Variants in DPYSL5 observed in about 807,000 individuals in gnomAD.
The protein encoded by DPYSL5 is dihydropyrimidinase like 5, also known as dihydropyrimidinase-related protein 5.
A neutral mutation model predicts 58.4 loss-of-function variants in DPYSL5; 9 were observed. The ratio of observed to expected loss-of-function variants is 0.15; its 90% confidence interval spans 0.09 to 0.27. The LOEUF (loss-of-function observed/expected upper bound fraction) is 0.27. Ranked by LOEUF, DPYSL5 falls within the 10% of genes least tolerant of loss-of-function variation. The pLI, the probability that DPYSL5 is intolerant of heterozygous loss-of-function variation, is 1.00. For synonymous variants in DPYSL5, 293 were observed against 301.9 expected (o/e 0.97, Z 0.31); for missense variants, 499 against 770.6 (o/e 0.65, Z 4.17).
chr2:26,864,980 C>T (rs1666105238), intron 1 of DPYSL5, among the ~76,000 whole-genome samples: 1 of 152,218 alleles, frequency 6.6e-6, no homozygotes, highest in South Asian at 2.1e-4. Context: ...CATCCGTTCA[C>T]AGACCCCCTC....
intron 2 of DPYSL5, among the ~76,000 whole-genome samples, chr2:26,914,574 A>T (rs908465718): frequency 6.6e-6 from 1 of 152,160 alleles, no homozygotes; most frequent in African/African-American, 2.4e-5. Context: ...CAGCTTACCA[A>T]TCAGGCCTGT....
intron 1 of DPYSL5, among the ~76,000 whole-genome samples, chr2:26,851,041 T>C (rs2148099923): frequency 6.6e-6 from 1 of 152,318 alleles, no homozygotes. Flanking sequence ...TATTTATGCA[T>C]ACACACAAAC....
Position 26,931,694 on chromosome 2 carries a change from C to T in DPYSL5, c.714+10C>T. On this transcript the variant is annotated intron_variant, in intron 6 of 12. Coordinates refer to ENST00000288699, the MANE Select transcript of DPYSL5 (RefSeq NM_020134.4). ...CACCATTGCAAACAGGGTAAGTCCC[C>T]CGATGTCCACTGTGGGATTAGAAAC... is the stretch of plus-strand genomic sequence containing the variant. The T allele has an allele frequency of 6.2e-7, 1 of 1,613,652 alleles. No homozygotes were observed. The highest frequency in any genetic ancestry group is 8.5e-7 in the Non-Finnish European group (1 of 1,179,830).
At chr2:26,896,889 C>G (rs1664036654) in intron 1 of DPYSL5, among the ~76,000 whole-genome samples, 2 of 152,186 alleles carry the variant, frequency 1.3e-5, no homozygotes, top group African/African-American at 2.4e-5. Flanking sequence ...TTGACGCAAT[C>G]CCATTTGTCT....
At position 26,927,163 on chromosome 2, in the gene DPYSL5, C is replaced by G. The variant is rs1664847810; in HGVS notation, c.421-90C>G. 1.5e-6 allele frequency: 2 copies of G among 1,378,798 alleles called. No individual in the cohort carries two copies. Among genetic ancestry groups the G allele is most frequent in the South Asian group, 2.8e-5 (2 of 71,188 alleles). 85.4% of individuals were successfully genotyped at this position (1,378,798 alleles called of 1,614,324 possible). A position where few individuals can be genotyped will look rare whatever the true frequency, so the allele number is the denominator to read the frequency against. On this transcript the variant is annotated intron_variant, in intron 3 of 12. Coordinates refer to ENST00000288699, the MANE Select transcript of DPYSL5 (RefSeq NM_020134.4). This position sits in a 1 kb window ranked among gnomAD's most constrained non-coding sequence, Gnocchi z 4.3. ...CCGACAGACTGAGCTGGGGCAGGCC[C>G]CACATCTCCCCCATGCTGGGCCGGT... is the stretch of plus-strand genomic sequence containing the variant.
At chr2:26,889,958 A>AT (rs1213526510) in intron 1 of DPYSL5, among the ~76,000 whole-genome samples, 10 of 152,346 alleles carry the variant, frequency 6.6e-5, no homozygotes, top group African/African-American at 2.4e-4. Context: ...GGTGAGCAGC[A>AT]TGATGAGTGT....
intron 5 of DPYSL5, among the ~76,000 whole-genome samples, chr2:26,931,201 G>GTATATATA (rs1161770394): frequency 8.1e-4 from 44 of 54,554 alleles, no homozygotes; most frequent in East Asian, 2.6e-3. Context: ...GTGTGTGTGT[G>GTATATATA]TGTATATATA....
chr2:26,889,619 C>T (rs114988318), intron 1 of DPYSL5, among the ~76,000 whole-genome samples: 2,531 of 152,078 alleles, frequency 0.017, 34 homozygotes, highest in Non-Finnish European at 0.027. Flanking sequence ...AGAATGTTAC[C>T]TGGATTTACT....
intron 11 of DPYSL5, among the ~76,000 whole-genome samples, chr2:26,943,504 C>T (rs960450585): frequency 3.3e-5 from 5 of 152,184 alleles, no homozygotes; most frequent in Admixed American, 6.5e-5. Flanking sequence ...CTCAAGTGAT[C>T]CGTCTGCCTC....
intron 1 of DPYSL5, among the ~76,000 whole-genome samples, chr2:26,882,419 GTGTGTGTGTC>G (rs1401843209): frequency 7.4e-6 from 1 of 136,048 alleles, no homozygotes; most frequent in African/African-American, 2.8e-5. Context: ...CTTATTGTGT[GTGTGTGTGTC>G]TGTGTGTGTG....
intron 1 of DPYSL5, among the ~76,000 whole-genome samples, chr2:26,893,103 T>A (rs1204731020): frequency 6.6e-6 from 1 of 152,164 alleles, no homozygotes; most frequent in East Asian, 1.9e-4. Context: ...AGGGAGCAGA[T>A]GTTCCTGGAG....
chr2:26,868,673 T>C (rs1663176783), intron 1 of DPYSL5, among the ~76,000 whole-genome samples: 1 of 152,248 alleles, frequency 6.6e-6, no homozygotes, highest in South Asian at 2.1e-4. Context: ...GCTCTCCTTA[T>C]CTGTTGATAC....
chr2:26,917,721 G>A (rs544050893), intron 2 of DPYSL5, among the ~76,000 whole-genome samples: 3 of 152,342 alleles, frequency 2.0e-5, no homozygotes, highest in South Asian at 2.1e-4. Context: ...GCCAGCGCAG[G>A]TGATAAGCTG....
At chr2:26,882,929 A>G (rs990580432) in intron 1 of DPYSL5, among the ~76,000 whole-genome samples, 2 of 149,992 alleles carry the variant, frequency 1.3e-5, no homozygotes, top group Non-Finnish European at 3.0e-5. Context: ...AAAAAAAAAA[A>G]GCAATGTAAC....
At chr2:26,941,041 G>A (rs2148175370) in intron 9 of DPYSL5, among the ~76,000 whole-genome samples, 1 of 151,782 alleles carries the variant, frequency 6.6e-6, no homozygotes. Context: ...GGTTCAAGCG[G>A]TTCTCCTGCC....
At chr2:26,888,708 CAT>C (rs372995812) in intron 1 of DPYSL5, among the ~76,000 whole-genome samples, 1 of 152,268 alleles carries the variant, frequency 6.6e-6, no homozygotes, top group East Asian at 1.9e-4. Flanking sequence ...TTTGGCGAAA[CAT>C]ATGGGCATAT....
intron 2 of DPYSL5, among the ~76,000 whole-genome samples, chr2:26,907,981 G>A (rs553568050): frequency 4.5e-4 from 68 of 152,308 alleles, no homozygotes; most frequent in African/African-American, 1.6e-3. Context: ...GGCTATGAAT[G>A]CTGGAGTTCG....
rs559942411 is a variant in DPYSL5, at chr2:26,942,834, A to G, written c.1440+84A>G. ...CATGACTGTTTTAAATCTCAAAGAG[A>G]TGTTCACTCCAGTTTTCGACCCAAT... On this transcript the variant is annotated intron_variant, in intron 11 of 12. Transcript: ENST00000288699. This position sits in a 1 kb window ranked among gnomAD's most constrained non-coding sequence, Gnocchi z 5.9. 43 of 1,483,846 alleles carry G rather than the reference A, an allele frequency of 2.9e-5. No individual in the cohort carries two copies. The African/African-American group carries it at 4.7e-4, about 16-fold the overall frequency. 91.9% of individuals were successfully genotyped at this position (1,483,846 alleles called of 1,614,324 possible). A position where few individuals can be genotyped will look rare whatever the true frequency, so the allele number is the denominator to read the frequency against.
chr2:26,934,786 G>T lies in DPYSL5; in HGVS notation c.947+52G>T. The T allele has an allele frequency of 6.3e-7, 1 of 1,594,628 alleles. No individual in the cohort carries two copies. The highest frequency in any genetic ancestry group is 8.6e-7 in the Non-Finnish European group (1 of 1,168,328). ...GGGATGTGTACATCTTTAGGAAGAC[G>T]TCATAGAGGGCCCAGGAAACAAATC... On this transcript the variant is annotated intron_variant, in intron 8 of 12. Transcript: ENST00000288699. The surrounding 1 kb of genome is among the most constrained non-coding windows in gnomAD (Gnocchi z 4.3).
Sources: gnomAD v4.1 joint callset for allele counts (sites outside exome capture counted in the v4.1 genomes callset) on GRCh38, gnomAD v4.1.1 for gene constraint, Gnocchi (gnomAD v3.1) non-coding constraint, MANE v1.5 for transcripts, NCBI Gene and HGNC (gene_info 2026-07-23, HGNC 2026-07-21) for gene names.